Variants in EXOC6B observed in about 807,000 individuals in gnomAD.
EXOC6B encodes the protein SEC15 homolog B.
EXOC6B carries 54 observed loss-of-function variants against 113.5 expected under a neutral mutation model. The observed-to-expected ratio is 0.48, with a 90% CI of 0.38 to 0.60. EXOC6B has a LOEUF of 0.60. EXOC6B is among the 20% of genes least tolerant of loss of function. EXOC6B has a pLI of 0.00. For synonymous variants in EXOC6B, 357 were observed against 339.0 expected (o/e 1.05, Z -0.58); for missense variants, 797 against 977.5 (o/e 0.82, Z 2.46).
intron 1 of EXOC6B, among the ~76,000 whole-genome samples, chr2:72,818,153 T>G (rs1056708199): frequency 2.6e-5 from 4 of 151,784 alleles, no homozygotes; most frequent in Non-Finnish European, 5.9e-5. Context: ...TGTTTTGTTT[T>G]CTTTTCTTTT....
At chr2:72,416,034 G>T (rs1433878240) in intron 18 of EXOC6B, among the ~76,000 whole-genome samples, 1 of 152,142 alleles carries the variant, frequency 6.6e-6, no homozygotes, top group Non-Finnish European at 1.5e-5. Flanking sequence ...TCTTGCTAAT[G>T]TTACACGTCA....
intron 17 of EXOC6B, among the ~76,000 whole-genome samples, chr2:72,468,041 G>T (rs989638362): frequency 6.6e-6 from 1 of 152,182 alleles, no homozygotes; most frequent in Admixed American, 6.5e-5. Context: ...AAAGTGCTGG[G>T]ATTACAGGCG....
At chr2:72,614,062 A>G (rs563990560) in intron 6 of EXOC6B, among the ~76,000 whole-genome samples, 2 of 152,294 alleles carry the variant, frequency 1.3e-5, no homozygotes, top group South Asian at 4.1e-4. Context: ...CAGAGACTAT[A>G]TGATCTGTAA....
At chr2:72,329,540 A>G (rs1406865688) in intron 20 of EXOC6B, among the ~76,000 whole-genome samples, 1 of 152,154 alleles carries the variant, frequency 6.6e-6, no homozygotes, top group Non-Finnish European at 1.5e-5. Flanking sequence ...AGGCTAAAAT[A>G]CAAATAATTA....
chr2:72,606,463 TA>T (rs2104042942), intron 6 of EXOC6B, among the ~76,000 whole-genome samples: 1 of 152,130 alleles, frequency 6.6e-6, no homozygotes, highest in African/African-American at 2.4e-5. Context: ...AAAATCCAGA[TA>T]TTAGTGATGG....
chr2:72,375,351 C>T (rs1691290840), intron 19 of EXOC6B, among the ~76,000 whole-genome samples: 1 of 152,102 alleles, frequency 6.6e-6, no homozygotes, highest in Admixed American at 6.6e-5. Flanking sequence ...ACAGTAACAG[C>T]AGAAAACACA....
intron 20 of EXOC6B, among the ~76,000 whole-genome samples, chr2:72,328,546 G>T (rs972175624): frequency 6.6e-6 from 1 of 152,086 alleles, no homozygotes; most frequent in Non-Finnish European, 1.5e-5. Flanking sequence ...TCACTGCATT[G>T]TATCTACTAC....
chr2:72,587,227 G>C (rs903118965), intron 6 of EXOC6B, among the ~76,000 whole-genome samples: 2 of 152,130 alleles, frequency 1.3e-5, no homozygotes, highest in Non-Finnish European at 2.9e-5. Flanking sequence ...TGGAATACTA[G>C]GTAGCCATAA....
intron 20 of EXOC6B, among the ~76,000 whole-genome samples, chr2:72,275,848 C>A (rs1198785771): frequency 6.6e-6 from 1 of 152,136 alleles, no homozygotes; most frequent in South Asian, 2.1e-4. Context: ...AATGACCTTA[C>A]CTGCTTAATT....
intron 20 of EXOC6B, among the ~76,000 whole-genome samples, chr2:72,188,698 A>G (rs957124028): frequency 2.0e-5 from 3 of 152,242 alleles, no homozygotes; most frequent in African/African-American, 4.8e-5. Context: ...ACCTTGTTAG[A>G]TTGCTATAAA....
intron 8 of EXOC6B, among the ~76,000 whole-genome samples, chr2:72,552,254 G>A (rs945505208): frequency 3.0e-4 from 46 of 152,158 alleles, no homozygotes; most frequent in African/African-American, 1.1e-3. Context: ...AAAACTTGAT[G>A]TGAATAAACA....
intron 20 of EXOC6B, among the ~76,000 whole-genome samples, chr2:72,285,854 G>A (rs1685391799): frequency 6.6e-6 from 1 of 152,152 alleles, no homozygotes; most frequent in East Asian, 1.9e-4. Context: ...CACCGAAGAA[G>A]ATATCATGGC....
intron 7 of EXOC6B, among the ~76,000 whole-genome samples, chr2:72,573,595 A>G (rs1704641932): frequency 6.6e-6 from 1 of 152,196 alleles, no homozygotes; most frequent in African/African-American, 2.4e-5. Context: ...CCCAATAGAT[A>G]ACACTCAAAA....
At chr2:72,305,990 G>A (rs1303552161) in intron 20 of EXOC6B, among the ~76,000 whole-genome samples, 1 of 152,032 alleles carries the variant, frequency 6.6e-6, no homozygotes, top group Non-Finnish European at 1.5e-5. Context: ...TTCCAAAAGG[G>A]GGAGCAAGCA....
At chr2:72,252,389 C>T (rs2104550795) in intron 20 of EXOC6B, among the ~76,000 whole-genome samples, 1 of 152,218 alleles carries the variant, frequency 6.6e-6, no homozygotes, top group South Asian at 2.1e-4. Context: ...TTTTTCTCTA[C>T]ACTGAGAACA....
intron 1 of EXOC6B, among the ~76,000 whole-genome samples, chr2:72,808,987 C>G (rs2105117252): frequency 6.6e-6 from 1 of 152,106 alleles, no homozygotes; most frequent in South Asian, 2.1e-4. Context: ...ATCACTTGAG[C>G]CTGGGAGGTC....
intron 18 of EXOC6B, among the ~76,000 whole-genome samples, chr2:72,434,390 G>A (rs1439695938): frequency 6.6e-6 from 1 of 152,100 alleles, no homozygotes; most frequent in African/African-American, 2.4e-5. Context: ...TCTCTACCAG[G>A]TCATCATATC....
intron 20 of EXOC6B, among the ~76,000 whole-genome samples, chr2:72,308,783 C>T (rs1687029727): frequency 6.6e-6 from 1 of 152,088 alleles, no homozygotes; most frequent in African/African-American, 2.4e-5. Context: ...TGACATTTCC[C>T]ATCTTAACAG....
At chr2:72,641,323 A>T (rs942893948) in intron 6 of EXOC6B, among the ~76,000 whole-genome samples, 1 of 152,232 alleles carries the variant, frequency 6.6e-6, no homozygotes, top group Non-Finnish European at 1.5e-5. Context: ...GGAAGCCGTG[A>T]CAGACTGTAC....
Sources: gnomAD v4.1 joint callset for allele counts (sites outside exome capture counted in the v4.1 genomes callset) on GRCh38, gnomAD v4.1.1 for gene constraint, MANE v1.5 for transcripts, NCBI Gene and HGNC (gene_info 2026-07-23, HGNC 2026-07-21) for gene names.